The following WNK2 variants were observed in gnomAD, a reference collection of about 807,000 sequenced individuals.
WNK2 encodes WNK lysine deficient protein kinase 2, also known as serine/threonine-protein kinase WNK2.
In WNK2, 67 loss-of-function variants were observed where a neutral mutation model predicts 192.1. The observed-to-expected ratio is 0.35, with a 90% confidence interval of 0.29 to 0.43. WNK2 has a LOEUF of 0.43. WNK2 is among the 20% of genes least tolerant of loss of function. The pLI is 1.00. For synonymous variants in WNK2, 1,439 were observed against 1,393.9 expected, an observed-to-expected ratio of 1.03 and a Z score of -0.72; for missense variants, 2,698 against 3,089.7, an observed-to-expected ratio of 0.87 and a Z score of 3.01.
chr9:93,262,498 A>G (rs775641338), intron 13 of WNK2, among the ~76,000 whole-genome samples, 172 bp from the exon 14 acceptor site: 2 of 152,202 alleles, frequency 1.3e-5, no homozygotes, highest in Non-Finnish European at 2.9e-5. Flanking sequence ...GCCTGCTCCC[A>G]TTGTGACGCC....
At chr9:93,224,031 G>C (rs1461743220) in intron 2 of WNK2, among the ~76,000 whole-genome samples, 1 of 152,200 alleles carries the variant, frequency 6.6e-6, no homozygotes, top group African/African-American at 2.4e-5. Flanking sequence ...TCCTGGGCCA[G>C]TTCTCTGTGC....
chr9:93,262,899 A>G (rs1449196663), intron 14 of WNK2, among the ~76,000 whole-genome samples, 180 bp downstream of exon 14: 5 of 152,188 alleles, frequency 3.3e-5, no homozygotes, highest in Non-Finnish European at 5.9e-5. Context: ...GGGTCTTGCC[A>G]GCTGTTGTTG....
At chr9:93,199,079 C>T (rs925731898) in intron 2 of WNK2, among the ~76,000 whole-genome samples, 15 of 152,228 alleles carry the variant, frequency 9.9e-5, no homozygotes, top group African/African-American at 3.6e-4. Flanking sequence ...ATGCTGTCCC[C>T]TGTGACTGGA....
chr9:93,247,498 G>T lies in WNK2; in HGVS notation c.1543-45G>T. ...CTTTAGGTAAGGGGTGTGGGCCGGT[G>T]AGGGCTGATCCCCAGCGATGCTGAC... On this transcript the variant is annotated intron_variant, in intron 7 of 29. Transcript: ENST00000427277. This position sits in a 1 kb window ranked among gnomAD's most constrained non-coding sequence, Gnocchi z 5.2. 6.3e-7 allele frequency: 1 copy of T among 1,585,762 alleles called. No individual in the cohort carries two copies. The highest frequency in any genetic ancestry group is 1.2e-5 in the South Asian group (1 of 86,716).
chr9:93,199,899 C>CAAAAAAAAAAAAAAAAAAAAAAAAA (rs59582411), intron 2 of WNK2, among the ~76,000 whole-genome samples: 3 of 107,756 alleles, frequency 2.8e-5, no homozygotes, highest in African/African-American at 9.7e-5. Flanking sequence ...CTCTTTGTCT[C>CAAAAAAAAAAAAAAAAAAAAAAAAA]AAAAAAAAAA....
intron 12 of WNK2, among the ~76,000 whole-genome samples, chr9:93,261,218 G>C (rs1428303887): frequency 6.6e-6 from 1 of 152,202 alleles, no homozygotes; most frequent in Non-Finnish European, 1.5e-5. Flanking sequence ...TGAGAGGTGA[G>C]AAGTTTCTCT....
intron 8 of WNK2, among the ~76,000 whole-genome samples, chr9:93,248,457 T>G (rs1842094254): frequency 6.6e-6 from 1 of 152,366 alleles, no homozygotes; most frequent in Non-Finnish European, 1.5e-5. Flanking sequence ...TTCCTTAACC[T>G]GTCTGAGAAT....
chr9:93,290,885 C>T (rs1052338373), intron 21 of WNK2, among the ~76,000 whole-genome samples: 3 of 152,158 alleles, frequency 2.0e-5, no homozygotes, highest in Non-Finnish European at 1.5e-5. Flanking sequence ...CTAAGGGAGC[C>T]GGACTGATCT....
At chr9:93,293,716 G>A (rs1026958737) in intron 23 of WNK2, among the ~76,000 whole-genome samples, 2 of 152,096 alleles carry the variant, frequency 1.3e-5, no homozygotes, top group African/African-American at 4.8e-5. Context: ...TTCTCTGGGT[G>A]CCATGCCTCC....
At position 93,259,605 on chromosome 9, in the gene WNK2, AG is replaced by A; in HGVS notation, c.3060del (p.Ser1021AlafsTer93). On this transcript the variant is annotated frameshift_variant, in exon 12 of 30. Transcript: ENST00000427277. LOFTEE classifies it high-confidence loss of function. This position sits in a 1 kb window ranked among gnomAD's most constrained non-coding sequence, Gnocchi z 4.8. ...AACAAGCTGCTCCAGCTGCTACACCAGGGAGCCAGGTAATCACCTGCTGGGC... is the reference window on the plus strand; with the variant it reads ...AACAAGCTGCTCCAGCTGCTACACCAGGAGCCAGGTAATCACCTGCTGGGC... ...PEQAAPAATP[G>X]SQILLGHPAP... 6.3e-7 allele frequency: 1 copy of A among 1,581,978 alleles called. No individual in the cohort carries two copies.
In WNK2 at chr9:93,293,128, T is replaced by G; in HGVS notation, c.5663T>G (p.Leu1888Arg). The G allele has an allele frequency of 6.3e-7, 1 of 1,575,030 alleles. No individual in the cohort carries two copies. The highest frequency in any genetic ancestry group is 8.6e-7 in the Non-Finnish European group (1 of 1,163,440). ...SYISSDNDSE[L>R]EDADIKKELQ... Reference sequence around the variant, plus strand: ...ATCAGCAGCGACAATGATTCGGAGCTCGAGGATGCTGACATAAAGAAGGAG... The same window carrying G: ...ATCAGCAGCGACAATGATTCGGAGCGCGAGGATGCTGACATAAAGAAGGAG... Residue 1888 changes from leucine (L) to arginine (R), a missense_variant, in exon 23 of 30, where the codon CTC becomes CGC. Around this residue, in one of 7 missense-constraint regions of WNK2, gnomAD observed 1,098 missense variants for 1,101.0 expected, o/e 1.00. Coordinates refer to ENST00000427277, the MANE Select transcript of WNK2 (RefSeq NM_006648.4).
intron 12 of WNK2, among the ~76,000 whole-genome samples, chr9:93,260,583 A>G (rs10821101): frequency 0.32 from 49,369 of 152,044 alleles, 8,166 homozygotes; most frequent in South Asian, 0.52. Flanking sequence ...CAGCTCCGTT[A>G]GTGCTGAATC....
At chr9:93,260,133 T>A (rs1405868808) in intron 12 of WNK2, among the ~76,000 whole-genome samples, 2 of 152,178 alleles carry the variant, frequency 1.3e-5, no homozygotes, top group Non-Finnish European at 1.5e-5. Context: ...CATGTCCTGA[T>A]GTCAGGTCAG....
intron 19 of WNK2, among the ~76,000 whole-genome samples, chr9:93,276,491 T>G (rs760260734): frequency 1.3e-5 from 2 of 152,192 alleles, no homozygotes; most frequent in Non-Finnish European, 2.9e-5. Flanking sequence ...AAGGAAACAT[T>G]GGAGAAAAAT....
chr9:93,311,649 G>A (rs1310241395), intron 28 of WNK2, among the ~76,000 whole-genome samples: 1 of 150,644 alleles, frequency 6.6e-6, no homozygotes, highest in African/African-American at 2.4e-5. Context: ...GTTTTGAGAC[G>A]GAGTTTTGCT....
intron 2 of WNK2, among the ~76,000 whole-genome samples, chr9:93,197,388 G>A (rs1831464091): frequency 6.6e-6 from 1 of 152,198 alleles, no homozygotes; most frequent in Non-Finnish European, 1.5e-5. Context: ...AGGATCACGT[G>A]TTGTGTCTGG....
chr9:93,308,819 A>T, intron 28 of WNK2: 1 of 1,405,428 alleles, frequency 7.1e-7, no homozygotes, highest in Non-Finnish European at 9.2e-7. Context: ...AGGCCAGGCC[A>T]GGCCAGGGCT....
intron 19 of WNK2, among the ~76,000 whole-genome samples, chr9:93,272,694 C>T (rs922671097): frequency 4.1e-4 from 53 of 129,302 alleles, no homozygotes; most frequent in Middle Eastern, 4.2e-3. Flanking sequence ...GCCGAGATCG[C>T]GCCATTGCAC....
intron 26 of WNK2, among the ~76,000 whole-genome samples, chr9:93,306,320 A>G (rs574276604): frequency 6.0e-5 from 9 of 150,736 alleles, no homozygotes; most frequent in Admixed American, 4.6e-4. Context: ...CACTTGGAAA[A>G]CCTCCGATGG....
Sources: gnomAD v4.1 joint callset for allele counts (sites outside exome capture counted in the v4.1 genomes callset) on GRCh38, gnomAD v4.1.1 for gene constraint, gnomAD v4.1.1 regional missense constraint, Gnocchi (gnomAD v3.1) non-coding constraint, MANE v1.5 for transcripts, NCBI Gene and HGNC (gene_info 2026-07-23, HGNC 2026-07-21) for gene names.